Variants in KHDRBS2 observed in about 807,000 individuals in gnomAD.
The protein encoded by KHDRBS2 is KH RNA binding domain containing, signal transduction associated 2, also known as KH domain-containing, RNA-binding, signal transduction-associated protein 2.
Under a neutral mutation model 44.3 loss-of-function variants are expected in KHDRBS2, and 26 were observed. The ratio of observed to expected loss-of-function variants is 0.59; its 90% CI spans 0.43 to 0.81. The LOEUF is 0.81. Among genes scored for constraint, KHDRBS2 ranks in the 40% least tolerant of loss-of-function variants. The probability of loss-of-function intolerance (pLI) is 0.00; values close to 1 mark genes in which losing one functional copy is unlikely to be tolerated. For missense variants in KHDRBS2, 476 were observed against 433.1 expected (o/e 1.10, Z -0.88); for synonymous variants, 194 against 151.1 (o/e 1.28, Z -2.08).
intron 4 of KHDRBS2, among the ~76,000 whole-genome samples, chr6:61,941,025 G>T (rs978309788): frequency 1.3e-4 from 20 of 152,164 alleles, no homozygotes; most frequent in African/African-American, 4.8e-4. Flanking sequence ...CAGTGGCTGG[G>T]GGTTGTCCTC....
the KHDRBS2 span, among the ~76,000 whole-genome samples, chr6:61,595,584 T>G: frequency 6.6e-6 from 1 of 152,058 alleles, no homozygotes; most frequent in Non-Finnish European, 1.5e-5. Context: ...ATTTTAATAC[T>G]CTTAATTACA....
chr6:61,924,532 G>C (rs1808617334), intron 4 of KHDRBS2, among the ~76,000 whole-genome samples: 1 of 151,790 alleles, frequency 6.6e-6, no homozygotes, highest in Non-Finnish European at 1.5e-5. Flanking sequence ...AAACTGTGAT[G>C]AACACTATAA....
Position 62,165,659 on chromosome 6 carries a change from TAGAC to T in KHDRBS2, c.219+11522_219+11525del, listed in dbSNP as rs149935222. Among the ~76,000 whole-genome samples, 230 of 152,036 alleles carry T rather than the reference TAGAC, an allele frequency of 1.5e-3. 2 individuals carry two copies. In the East Asian group the frequency reaches 0.04, roughly 27 times the overall value. The stretch of plus-strand genomic sequence containing the variant: ...TGAAATATTTCTTATTATTGTAAAA[TAGAC>T]AGCATAAAATTTACCATTTTAACTA... On this transcript the variant is annotated intron_variant, in intron 2 of 8. Transcript: ENST00000281156.
chr6:61,975,606 C>T (rs1453740553), intron 4 of KHDRBS2, among the ~76,000 whole-genome samples: 3 of 150,930 alleles, frequency 2.0e-5, no homozygotes, highest in Admixed American at 6.6e-5. Flanking sequence ...TCAGAATAGC[C>T]CTCATGACAT....
chr6:62,213,776 A>G (rs1477423419), intron 1 of KHDRBS2, among the ~76,000 whole-genome samples: 1 of 145,134 alleles, frequency 6.9e-6, no homozygotes, highest in Non-Finnish European at 1.5e-5. Flanking sequence ...CCGGAGGCTG[A>G]GGCAGGAGGA....
At chr6:61,675,498 C>T (rs56719256), downstream of KHDRBS2, among the ~76,000 whole-genome samples, 1,663 of 151,540 alleles carry the variant, frequency 0.011, 28 homozygotes, top group African/African-American at 0.038. Context: ...AGTGCTTCAA[C>T]GGTTATTAAG....
chr6:61,723,866 G>A (rs1483976940), intron 7 of KHDRBS2, among the ~76,000 whole-genome samples: 1 of 152,108 alleles, frequency 6.6e-6, no homozygotes, highest in Non-Finnish European at 1.5e-5. Flanking sequence ...CTGAAGGAGA[G>A]GGAGAATGGA....
chr6:61,551,963 C>T, the KHDRBS2 span, among the ~76,000 whole-genome samples: 2 of 152,028 alleles, frequency 1.3e-5, no homozygotes, highest in Admixed American at 6.6e-5. Context: ...AACTTGGATG[C>T]TGTTGTTGCA....
At chr6:61,975,186 T>C (rs4607412) in intron 4 of KHDRBS2, among the ~76,000 whole-genome samples, 9,118 of 152,058 alleles carry the variant, frequency 0.06, 336 homozygotes, top group East Asian at 0.16. Context: ...ATACAGCAGG[T>C]TGAGTAAATT....
At chr6:62,127,620 T>C (rs1809281141) in intron 2 of KHDRBS2, among the ~76,000 whole-genome samples, 1 of 152,180 alleles carries the variant, frequency 6.6e-6, no homozygotes, top group Non-Finnish European at 1.5e-5. Context: ...TATCTAATAC[T>C]TTCTTATTTT....
In KHDRBS2 at chr6:61,702,972, C is replaced by A. The variant is rs1369485290; in HGVS notation, c.894-5719G>T. Among the ~76,000 whole-genome samples, 3 of 151,838 alleles carry A rather than the reference C, an allele frequency of 2.0e-5. No individual in the cohort carries two copies. The South Asian group carries it at 6.2e-4, about 32-fold the overall frequency. The stretch of plus-strand genomic sequence containing the variant: ...TGTGCCACTTCCTAGAAAAATTATA[C>A]CTGCTATAACCACCGAAGTAATTAA... On this transcript the variant is annotated intron_variant, in intron 7 of 8. Transcript: ENST00000281156.
Position 62,270,292 on chromosome 6 carries a change from TCTCTCTCTC to T in KHDRBS2, c.91+15557_91+15565del, listed in dbSNP as rs1481115245. Among the ~76,000 whole-genome samples the T allele has an allele frequency of 9.4e-4, 134 of 142,194 alleles. 1 individual carries two copies. Among genetic ancestry groups the T allele is most frequent in the Non-Finnish European group, 1.4e-3 (94 of 66,174 alleles). The allele number at this position is 142,194 out of a possible 152,430, so 93.3% of individuals were successfully genotyped here. On this transcript the variant is annotated intron_variant, in intron 1 of 8. Coordinates refer to ENST00000281156, the MANE Select transcript of KHDRBS2 (RefSeq NM_152688.4). ...GTGGAACCCCATCTCTCTCTCTCTC[TCTCTCTCTC>T]CTCTCTCTCTCTCTCTCTCCCCCAC...
chr6:61,667,775 G>A, the KHDRBS2 span, among the ~76,000 whole-genome samples: 1 of 151,204 alleles, frequency 6.6e-6, no homozygotes, highest in African/African-American at 2.4e-5. Context: ...TTTAGTCACA[G>A]GCTAGCATTA....
the KHDRBS2 span, among the ~76,000 whole-genome samples, chr6:61,568,320 C>G: frequency 6.6e-6 from 1 of 152,126 alleles, no homozygotes; most frequent in Non-Finnish European, 1.5e-5. Context: ...TTTGGCTGCT[C>G]AGGCTCTCTT....
chr6:62,142,320 G>C (rs567909112), intron 2 of KHDRBS2, among the ~76,000 whole-genome samples: 1 of 152,038 alleles, frequency 6.6e-6, no homozygotes, highest in South Asian at 2.1e-4. Context: ...TGTTTTGATG[G>C]GTAGAAATGT....
chr6:62,163,582 C>T (rs1585016628), intron 2 of KHDRBS2, among the ~76,000 whole-genome samples: 1 of 152,138 alleles, frequency 6.6e-6, no homozygotes, highest in African/African-American at 2.4e-5. Context: ...AGAAATACAT[C>T]TGCTTTTCCG....
the KHDRBS2 span, among the ~76,000 whole-genome samples, chr6:61,638,553 C>A: frequency 6.6e-6 from 1 of 151,980 alleles, no homozygotes. Context: ...CCATAAAAAC[C>A]CTGGAAGAAA....
the KHDRBS2 span, among the ~76,000 whole-genome samples, chr6:61,548,463 C>T: frequency 6.6e-6 from 1 of 152,016 alleles, no homozygotes; most frequent in Non-Finnish European, 1.5e-5. Context: ...TGCATTTCTA[C>T]CAAGATCTCA....
chr6:62,202,749 T>C (rs528368095), intron 1 of KHDRBS2, among the ~76,000 whole-genome samples: 1 of 152,162 alleles, frequency 6.6e-6, no homozygotes, highest in East Asian at 1.9e-4. Flanking sequence ...GAAAAGTACA[T>C]GGTTCTGTGA....
Sources: gnomAD v4.1 joint callset for allele counts (sites outside exome capture counted in the v4.1 genomes callset) on GRCh38, gnomAD v4.1.1 for gene constraint, MANE v1.5 for transcripts, NCBI Gene and HGNC (gene_info 2026-07-23, HGNC 2026-07-21) for gene names.